The following ADAMTSL1 variants were observed in gnomAD, a reference collection of about 807,000 sequenced individuals.
ADAMTSL1 encodes the protein ADAMTS like 1.
Under a neutral mutation model 201.8 loss-of-function variants are expected in ADAMTSL1, and 126 were observed. That is an observed-to-expected ratio of 0.62 (90% CI 0.54 to 0.72). The LOEUF is 0.72. Ranked by LOEUF, ADAMTSL1 falls within the 30% of genes least tolerant of loss-of-function variation. The probability of loss-of-function intolerance (pLI) is 0.00; values close to 1 mark genes in which losing one functional copy is unlikely to be tolerated. For missense variants in ADAMTSL1, 2,679 were observed against 2,277.8 expected (o/e 1.18, Z -3.59); for synonymous variants, 1,121 against 903.4 (o/e 1.24, Z -4.32).
chr9:18,118,068 A>G (rs139204833), intron 1 of ADAMTSL1, among the ~76,000 whole-genome samples: 1 of 152,344 alleles, frequency 6.6e-6, no homozygotes, highest in Non-Finnish European at 1.5e-5. Context: ...GCACAAAAAT[A>G]AATTCCTATA....
chr9:18,793,909 G>A (rs1399811022), intron 19 of ADAMTSL1, among the ~76,000 whole-genome samples: 1 of 152,034 alleles, frequency 6.6e-6, no homozygotes, highest in African/African-American at 2.4e-5. Context: ...CTGCCATAAT[G>A]TCACAGGTAC....
intron 23 of ADAMTSL1, among the ~76,000 whole-genome samples, chr9:18,863,998 G>A (rs1489236010): frequency 1.3e-5 from 2 of 152,176 alleles, no homozygotes; most frequent in Non-Finnish European, 2.9e-5. Context: ...GGATTGTAAT[G>A]AAAATGCTGA....
At chr9:18,027,978 T>C (rs1217601911) in intron 1 of ADAMTSL1, among the ~76,000 whole-genome samples, 1 of 152,054 alleles carries the variant, frequency 6.6e-6, no homozygotes, top group African/African-American at 2.4e-5. Context: ...CCTTCTTTGT[T>C]CTTTTTTACT....
chr9:18,256,025 C>A (rs780677041), intron 2 of ADAMTSL1, among the ~76,000 whole-genome samples: 3 of 152,180 alleles, frequency 2.0e-5, no homozygotes, highest in Non-Finnish European at 4.4e-5. Flanking sequence ...GGCAATCTTC[C>A]TTGTTTCCTA....
chr9:18,281,992 C>T (rs933684693), intron 2 of ADAMTSL1, among the ~76,000 whole-genome samples: 1 of 152,024 alleles, frequency 6.6e-6, no homozygotes, highest in Non-Finnish European at 1.5e-5. Context: ...TCAGGAGGTA[C>T]CTGTACATTT....
At chr9:18,166,634 C>T (rs1210489091) in intron 2 of ADAMTSL1, among the ~76,000 whole-genome samples, 1 of 151,882 alleles carries the variant, frequency 6.6e-6, no homozygotes, top group East Asian at 1.9e-4. Context: ...GCACATAGAG[C>T]ATTTTGGACA....
At chr9:18,212,422 C>G (rs1057127302) in intron 2 of ADAMTSL1, among the ~76,000 whole-genome samples, 20 of 152,146 alleles carry the variant, frequency 1.3e-4, no homozygotes, top group Admixed American at 1.2e-3. Context: ...GTATTTATGA[C>G]TAGTTTGATT....
chr9:17,909,964 T>G lies in ADAMTSL1; in HGVS notation c.87+3042T>G, dbSNP rs1233184993. On this transcript the variant is annotated intron_variant, in intron 1 of 29. Coordinates refer to the ADAMTSL1 transcript ENST00000680146. ...ACCTGCACATTGTGCACATTTACCC[T>G]AAAACTTAAAGTATAATTAAAAGAA... is the stretch of plus-strand genomic sequence containing the variant. Among the ~76,000 whole-genome samples, 11 of 60,872 alleles carry G rather than the reference T, an allele frequency of 1.8e-4. 2 individuals carry two copies. Among genetic ancestry groups the G allele is most frequent in the African/African-American group, 3.4e-4 (10 of 29,622 alleles). 39.9% of individuals were successfully genotyped at this position (60,872 alleles called of 152,430 possible). A position where few individuals can be genotyped will look rare whatever the true frequency, so the allele number is the denominator to read the frequency against.
At chr9:17,927,536 C>T (rs1215905836) in intron 1 of ADAMTSL1, among the ~76,000 whole-genome samples, 1 of 151,784 alleles carries the variant, frequency 6.6e-6, no homozygotes, top group Non-Finnish European at 1.5e-5. Flanking sequence ...ATGGGACCTG[C>T]ATCTGTGAAT....
intron 2 of ADAMTSL1, among the ~76,000 whole-genome samples, chr9:18,189,250 G>A (rs538340060): frequency 3.9e-5 from 6 of 152,216 alleles, no homozygotes; most frequent in African/African-American, 7.2e-5. Flanking sequence ...AATTGAGATC[G>A]TAGAGAAAAT....
At chr9:18,552,226 A>C (rs1224952330) in intron 3 of ADAMTSL1, among the ~76,000 whole-genome samples, 1 of 151,850 alleles carries the variant, frequency 6.6e-6, no homozygotes, top group African/African-American at 2.4e-5. Flanking sequence ...TTTTCACAGA[A>C]ATGTTAAAAT....
At chr9:18,456,242 G>T (rs1820596950) in intron 2 of ADAMTSL1, among the ~76,000 whole-genome samples, 1 of 152,120 alleles carries the variant, frequency 6.6e-6, no homozygotes, top group Non-Finnish European at 1.5e-5. Flanking sequence ...TTATTCCTCA[G>T]ACTCTAGCGA....
At chr9:18,387,361 TTGC>T (rs1257977080) in intron 2 of ADAMTSL1, among the ~76,000 whole-genome samples, 31 of 151,828 alleles carry the variant, frequency 2.0e-4, no homozygotes, top group African/African-American at 4.4e-4. Context: ...CTATACAGCC[TTGC>T]TATATTTCAT....
chr9:18,597,100 C>T (rs1468226545), intron 4 of ADAMTSL1, among the ~76,000 whole-genome samples: 1 of 152,182 alleles, frequency 6.6e-6, no homozygotes, highest in Non-Finnish European at 1.5e-5. Context: ...AATATGACTG[C>T]CACAGCATGG....
chr9:18,374,350 T>G (rs1385317430), intron 2 of ADAMTSL1, among the ~76,000 whole-genome samples: 1 of 151,902 alleles, frequency 6.6e-6, no homozygotes, highest in African/African-American at 2.4e-5. Context: ...TTTTTTATTT[T>G]TTGGGATGGG....
chr9:18,335,492 T>C (rs1421330217), intron 2 of ADAMTSL1, among the ~76,000 whole-genome samples: 1 of 152,082 alleles, frequency 6.6e-6, no homozygotes, highest in African/African-American at 2.4e-5. Context: ...CAGGTGGTAA[T>C]CTCTACAGAA....
At position 17,998,213 on chromosome 9, in the gene ADAMTSL1, G is replaced by A. The variant is rs559084577; in HGVS notation, c.87+91291G>A. Reference sequence around the variant, plus strand: ...CAAACATATGTGCACACATACCTACGCATGTGGAAATTCAAGCACCATGTC... The same window carrying A: ...CAAACATATGTGCACACATACCTACACATGTGGAAATTCAAGCACCATGTC... On this transcript the variant is annotated intron_variant, in intron 1 of 29. Coordinates refer to the ADAMTSL1 transcript ENST00000680146. Among the ~76,000 whole-genome samples, 6 of 151,988 alleles carry A rather than the reference G, an allele frequency of 3.9e-5. 1 individual carries two copies. The highest frequency in any genetic ancestry group is 8.8e-5 in the Non-Finnish European group (6 of 67,976).
intron 7 of ADAMTSL1, among the ~76,000 whole-genome samples, chr9:18,655,825 A>AT (rs1828616055): frequency 7.3e-6 from 1 of 136,270 alleles, no homozygotes; most frequent in Non-Finnish European, 1.7e-5. Context: ...AAAAAAAAAA[A>AT]AAAAAAAAAA....
At chr9:17,991,989 A>G (rs1205005171) in intron 1 of ADAMTSL1, among the ~76,000 whole-genome samples, 1 of 151,762 alleles carries the variant, frequency 6.6e-6, no homozygotes, top group Non-Finnish European at 1.5e-5. Flanking sequence ...GCTTGGTGCT[A>G]CCTCTTTCAT....
Sources: allele counts gnomAD v4.1 joint callset (sites outside exome capture counted in the v4.1 genomes callset), GRCh38; gene constraint gnomAD v4.1.1; transcripts MANE v1.5; gene names NCBI Gene and HGNC (gene_info 2026-07-23, HGNC 2026-07-21).